Variants in MPRIP observed in about 807,000 individuals in gnomAD.
MPRIP encodes myosin phosphatase Rho interacting protein, also known as myosin phosphatase Rho-interacting protein.
MPRIP carries 59 observed loss-of-function variants against 234.9 expected under a neutral mutation model. That is an observed-to-expected ratio of 0.25 (90% confidence interval 0.20 to 0.31). The LOEUF (loss-of-function observed/expected upper bound fraction) is 0.31. MPRIP is among the 10% of genes least tolerant of loss of function. MPRIP has a pLI of 1.00. For synonymous variants in MPRIP, 1,144 were observed against 1,263.9 expected (o/e 0.91, Z 2.01); for missense variants, 2,436 against 3,071.0 (o/e 0.79, Z 4.89).
At chr17:17,118,314 C>T (rs1490806414) in intron 3 of MPRIP, among the ~76,000 whole-genome samples, 1 of 152,236 alleles carries the variant, frequency 6.6e-6, no homozygotes, top group East Asian at 1.9e-4. Context: ...GTAGAATGGG[C>T]ATCCAACTCT....
In MPRIP at chr17:17,144,001, C is replaced by G. The variant is rs1455431516; in HGVS notation, c.1503+332C>G. 2.6e-5 allele frequency among the ~76,000 whole-genome samples: 4 copies of G among 152,228 alleles called. No individual in the cohort carries two copies. The East Asian group carries it at 7.7e-4, about 29-fold the overall frequency. Reference sequence around the variant, plus strand: ...TCCGCTCCTCTGGCTTTGGGCATTGCTTTTTGTGGCACTTCGGAGGCAGAG... The same window carrying G: ...TCCGCTCCTCTGGCTTTGGGCATTGGTTTTTGTGGCACTTCGGAGGCAGAG... On this transcript the variant is annotated intron_variant, in intron 9 of 23. Transcript: ENST00000651222.
intron 7 of MPRIP, among the ~76,000 whole-genome samples, chr17:17,139,881 T>A (rs550932900): frequency 6.6e-6 from 1 of 152,336 alleles, no homozygotes; most frequent in South Asian, 2.1e-4. Flanking sequence ...AGCACTTGGC[T>A]GCCTTAATGT....
rs1567699816 is a variant in MPRIP, at chr17:17,078,378, A to C, written c.267+302A>C. ...GGAGCACTCCTGGTTAGGGGAAAGCAAGGGCAAAGTCCTGGATCACGTGTG... is the reference window on the plus strand; with the variant it reads ...GGAGCACTCCTGGTTAGGGGAAAGCCAGGGCAAAGTCCTGGATCACGTGTG... On this transcript the variant is annotated intron_variant, in intron 3 of 23. Coordinates refer to ENST00000651222, the MANE Select transcript of MPRIP (RefSeq NM_001364716.4). The surrounding 1 kb of genome is among the most constrained non-coding windows in gnomAD (Gnocchi z 4.3). 6.6e-6 allele frequency among the ~76,000 whole-genome samples: 1 copy of C among 152,202 alleles called. No homozygotes were observed. Among genetic ancestry groups the C allele is most frequent in the African/African-American group, 2.4e-5 (1 of 41,450 alleles).
At chr17:17,084,956 T>A (rs1172991831) in intron 3 of MPRIP, among the ~76,000 whole-genome samples, 1 of 152,196 alleles carries the variant, frequency 6.6e-6, no homozygotes, top group Non-Finnish European at 1.5e-5. Flanking sequence ...TGGAGGCCCT[T>A]CATGTTTAAA....
rs1327876654 is a variant in MPRIP, at chr17:17,165,506, G to T, written c.3915G>T (p.Gln1305His). The change falls in exon 16 of 24, where the codon CAG (glutamine) becomes CAT (histidine). Residue 1305 changes from glutamine to histidine, a missense_variant. Gln to His is a conservative substitution (Grantham distance 24). Around this residue, in one of 4 missense-constraint regions of MPRIP, gnomAD observed 1,998 missense variants for 2,520.3 expected, o/e 0.79. Coordinates refer to ENST00000651222, the MANE Select transcript of MPRIP (RefSeq NM_001364716.4). The part of the protein sequence containing the change: ...VEVLDREGHQ[Q>H]GTAKLDQGAP... Reference sequence around the variant, plus strand: ...TGCTTGACAGGGAGGGCCATCAGCAGGGCACAGCCAAACTCGACCAAGGGG... The same window carrying T: ...TGCTTGACAGGGAGGGCCATCAGCATGGCACAGCCAAACTCGACCAAGGGG... 2 of 1,304,414 alleles carry T rather than the reference G, an allele frequency of 1.5e-6. No individual in the cohort carries two copies. Among genetic ancestry groups the T allele is most frequent in the African/African-American group, 1.5e-5 (1 of 66,010 alleles). 80.8% of individuals were successfully genotyped at this position (1,304,414 alleles called of 1,614,324 possible). A position where few individuals can be genotyped will look rare whatever the true frequency, so the allele number is the denominator to read the frequency against.
intron 3 of MPRIP, among the ~76,000 whole-genome samples, chr17:17,094,636 T>A (rs2089798925): frequency 6.6e-6 from 1 of 151,302 alleles, no homozygotes; most frequent in Non-Finnish European, 1.5e-5. Context: ...TTTTTTTTTT[T>A]AATGGAGTCT....
rs772739523 is a variant in MPRIP at position 17,188,181 on chromosome 17, A to C, written c.*3287A>C. ...CGCTGTCCACAGCCTCCCGGGTCTG[A>C]GTGGATCATTGGGCAGGGGTGGAGA... is the stretch of plus-strand genomic sequence containing the variant. On this transcript the variant is annotated 3_prime_UTR_variant, in exon 24 of 24. Coordinates refer to ENST00000651222, the MANE Select transcript of MPRIP (RefSeq NM_001364716.4). 6.6e-6 allele frequency: 1 copy of C among 152,188 alleles called. No homozygotes were observed. Among genetic ancestry groups the C allele is most frequent in the Non-Finnish European group, 1.5e-5 (1 of 68,058 alleles). 9.4% of individuals were successfully genotyped at this position (152,188 alleles called of 1,614,324 possible).
chr17:17,172,150 A>G (rs1434442823), intron 17 of MPRIP, among the ~76,000 whole-genome samples: 1 of 152,218 alleles, frequency 6.6e-6, no homozygotes, highest in Non-Finnish European at 1.5e-5. Flanking sequence ...CAACAAGTAG[A>G]CTGACCAGTG....
At chr17:17,085,405 C>T (rs2089564900) in intron 3 of MPRIP, among the ~76,000 whole-genome samples, 1 of 152,216 alleles carries the variant, frequency 6.6e-6, no homozygotes, top group Admixed American at 6.5e-5. Context: ...GGAGGTAGCC[C>T]CCGCAGGCCC....
chr17:17,142,523 AG>A, intron 7 of MPRIP, 103 bp from the exon 8 acceptor site: 3 of 1,377,228 alleles, frequency 2.2e-6, no homozygotes, highest in Admixed American at 1.9e-5. Flanking sequence ...TGCAAGCCTG[AG>A]GGGAATCAGG....
chr17:17,057,692 G>A, intron 1 of MPRIP: 1 of 718,046 alleles, frequency 1.4e-6, no homozygotes, highest in Middle Eastern at 2.3e-4. Context: ...ATGCACGAAT[G>A]TTCTCATGTT....
chr17:17,115,515 G>A (rs757119441), intron 3 of MPRIP, among the ~76,000 whole-genome samples: 5 of 152,196 alleles, frequency 3.3e-5, no homozygotes, highest in Non-Finnish European at 7.3e-5. Context: ...TGAGCCTGTG[G>A]TTTCTCCCTG....
At chr17:17,158,028 G>A (rs1283733514) in intron 13 of MPRIP, among the ~76,000 whole-genome samples, 1 of 152,148 alleles carries the variant, frequency 6.6e-6, no homozygotes, top group East Asian at 1.9e-4. Context: ...AGCAAGGCAG[G>A]GCTGGCCCGT....
At chr17:17,125,345 G>T (rs1400448264) in intron 3 of MPRIP, among the ~76,000 whole-genome samples, 2 of 152,238 alleles carry the variant, frequency 1.3e-5, no homozygotes, top group Non-Finnish European at 2.9e-5. Flanking sequence ...TCCCTTCTGA[G>T]CTGGACCCAC....
chr17:17,133,012 A>G, intron 5 of MPRIP, among the ~76,000 whole-genome samples: 1 of 152,148 alleles, frequency 6.6e-6, no homozygotes, highest in East Asian at 1.9e-4. Flanking sequence ...CCTGCCTCTA[A>G]TAAGGTAACT....
chr17:17,120,276 G>A (rs938414188), intron 3 of MPRIP, among the ~76,000 whole-genome samples: 1 of 152,092 alleles, frequency 6.6e-6, no homozygotes, highest in African/African-American at 2.4e-5. Context: ...ACACTCATGG[G>A]GTCAACAAGA....
intron 13 of MPRIP, among the ~76,000 whole-genome samples, chr17:17,155,970 A>G (rs1313328682): frequency 2.0e-5 from 3 of 152,250 alleles, no homozygotes; most frequent in African/African-American, 7.2e-5. Context: ...ACCAGAGCAA[A>G]GTGAGAAAGG....
intron 3 of MPRIP, among the ~76,000 whole-genome samples, chr17:17,081,470 T>G (rs2089461069): frequency 6.6e-6 from 1 of 152,156 alleles, no homozygotes; most frequent in Admixed American, 6.5e-5. Flanking sequence ...GGAGGGAGAT[T>G]AGCAATGTAG....
chr17:17,095,226 T>G (rs2089812048), intron 3 of MPRIP, among the ~76,000 whole-genome samples: 1 of 152,228 alleles, frequency 6.6e-6, no homozygotes, highest in Non-Finnish European at 1.5e-5. Context: ...CTGGTCTGAC[T>G]TTCATTCTCC....
Sources: allele counts gnomAD v4.1 joint callset (sites outside exome capture counted in the v4.1 genomes callset), GRCh38; gene constraint gnomAD v4.1.1; regional missense constraint gnomAD v4.1.1; non-coding constraint Gnocchi (gnomAD v3.1); transcripts MANE v1.5; gene names NCBI Gene and HGNC (gene_info 2026-07-23, HGNC 2026-07-21).